SLC28A1: variants seen among roughly 807,000 people sequenced by gnomAD.
SLC28A1 encodes sodium/nucleoside cotransporter 1.
SLC28A1 carries 64 observed loss-of-function variants against 74.8 expected under a neutral mutation model. The ratio of observed to expected loss-of-function variants is 0.86; its 90% CI spans 0.70 to 1.05. The LOEUF (loss-of-function observed/expected upper bound fraction) is 1.05. Among genes scored for constraint, SLC28A1 ranks in the 50% least tolerant of loss-of-function variants. The pLI is 0.00. For missense variants in SLC28A1, 828 were observed against 822.8 expected, an observed-to-expected ratio of 1.01 and a Z score of -0.08; for synonymous variants, 359 against 335.0, an observed-to-expected ratio of 1.07 and a Z score of -0.78.
the SLC28A1 span, among the ~76,000 whole-genome samples, chr15:84,973,391 C>T: frequency 9.8e-5 from 15 of 152,286 alleles, no homozygotes; most frequent in East Asian, 3.9e-4. Flanking sequence ...TGTCTCTATC[C>T]GGGGCTCAAC....
chr15:84,945,029 A>G (rs926617958), intron 18 of SLC28A1, 96 bp from the exon 19 acceptor site: 111 of 1,219,160 alleles, frequency 9.1e-5, no homozygotes, highest in Admixed American at 5.9e-4. Flanking sequence ...AGGGTGGACC[A>G]GAGACTTGAA....
chr15:84,893,288 C>T (rs1451527286), intron 5 of SLC28A1, among the ~76,000 whole-genome samples: 2 of 152,188 alleles, frequency 1.3e-5, no homozygotes, highest in East Asian at 3.9e-4. Flanking sequence ...AAGCTCACCT[C>T]CTGGCGACCA....
At chr15:84,944,964 G>A (rs1321718316) in intron 18 of SLC28A1, 97 bp downstream of exon 18, 8 of 1,092,904 alleles carry the variant, frequency 7.3e-6, no homozygotes, top group Non-Finnish European at 1.1e-5. Flanking sequence ...GGTGAGGGTA[G>A]AAATGTTACG....
intron 13 of SLC28A1, 71 bp from the exon 14 acceptor site, chr15:84,934,955 G>A (rs1971705945): frequency 7.7e-7 from 1 of 1,295,122 alleles, no homozygotes; most frequent in Admixed American, 1.7e-5. Context: ...TCCTATTTGA[G>A]CCTATAGGAT....
At chr15:84,921,722 T>C (rs1032145231) in intron 11 of SLC28A1, among the ~76,000 whole-genome samples, 1 of 152,256 alleles carries the variant, frequency 6.6e-6, no homozygotes, top group African/African-American at 2.4e-5. Flanking sequence ...TCTTTTTTGC[T>C]ACGGTGCATG....
intron 12 of SLC28A1, chr15:84,926,434 C>G (rs1243338756): frequency 1.5e-5 from 6 of 389,548 alleles, no homozygotes; most frequent in Non-Finnish European, 2.5e-5. Flanking sequence ...AACTCCTGGG[C>G]TCAAGCAATC....
chr15:84,906,751 A>G (rs1967314830), intron 8 of SLC28A1, among the ~76,000 whole-genome samples: 1 of 151,562 alleles, frequency 6.6e-6, no homozygotes, highest in Non-Finnish European at 1.5e-5. Context: ...GTGCCCAGCC[A>G]ATTCTGTTTT....
the SLC28A1 span, among the ~76,000 whole-genome samples, chr15:84,968,650 G>GTA: frequency 5.9e-5 from 9 of 152,248 alleles, no homozygotes; most frequent in Non-Finnish European, 1.0e-4. Flanking sequence ...CTACCAGGAG[G>GTA]TAGGCAGCAT....
Position 84,895,083 on chromosome 15 carries a change from A to C in SLC28A1, c.421A>C (p.Lys141Gln). Reference sequence around the variant, plus strand: ...GGGGCCAAAGCTGAGGAGGTTTCTCAAGCCTCAGGGCCATCCCCGCCTGCT... The same window carrying C: ...GGGGCCAAAGCTGAGGAGGTTTCTCCAGCCTCAGGGCCATCCCCGCCTGCT... ...LLGPKLRRFLKPQGHPRLLLW... is the reference protein window; with the variant it reads ...LLGPKLRRFLQPQGHPRLLLW... Residue 141 changes from lysine to glutamine, a missense_variant, in exon 6 of 19, where the codon AAG (lysine) becomes CAG (glutamine). Transcript: ENST00000394573. 1 of 1,580,098 alleles carries C rather than the reference A, an allele frequency of 6.3e-7. No homozygotes were observed. The highest frequency in any genetic ancestry group is 8.7e-7 in the Non-Finnish European group (1 of 1,155,890).
At chr15:84,964,705 G>T in the SLC28A1 span, among the ~76,000 whole-genome samples, 10 of 152,156 alleles carry the variant, frequency 6.6e-5, no homozygotes, top group African/African-American at 2.4e-4. Context: ...GATGGCTGCT[G>T]AAGTTCTGGA....
intron 5 of SLC28A1, among the ~76,000 whole-genome samples, chr15:84,892,676 G>A (rs999752108): frequency 1.3e-5 from 2 of 152,148 alleles, no homozygotes; most frequent in Admixed American, 6.5e-5. Flanking sequence ...CTTTCCTGGG[G>A]AGGCTGTTCA....
At chr15:84,887,164 C>G (rs898837979) in intron 2 of SLC28A1, among the ~76,000 whole-genome samples, 1 of 152,170 alleles carries the variant, frequency 6.6e-6, no homozygotes, top group African/African-American at 2.4e-5. Context: ...CTCCATCTTT[C>G]AGAGATGGAA....
the SLC28A1 span, among the ~76,000 whole-genome samples, chr15:84,963,634 C>CT: frequency 6.6e-6 from 1 of 152,050 alleles, no homozygotes; most frequent in South Asian, 2.1e-4. Flanking sequence ...GCTGCCCCCC[C>CT]GAGCCTGTCT....
intron 11 of SLC28A1, among the ~76,000 whole-genome samples, chr15:84,922,609 A>G (rs1969970957): frequency 6.6e-6 from 1 of 151,936 alleles, no homozygotes; most frequent in Non-Finnish European, 1.5e-5. Flanking sequence ...TCCTTCACTC[A>G]TACACCCGAG....
chr15:84,959,140 G>A, the SLC28A1 span, among the ~76,000 whole-genome samples: 6 of 139,850 alleles, frequency 4.3e-5, no homozygotes, highest in Non-Finnish European at 6.1e-5. Context: ...GTCTCACTCT[G>A]TCACCCAGGC....
chr15:84,904,176 T>G lies in SLC28A1; in HGVS notation c.541T>G (p.Ser181Ala). 1 of 1,614,236 alleles carries G rather than the reference T, an allele frequency of 6.2e-7. No homozygotes were observed. Among genetic ancestry groups the G allele is most frequent in the Non-Finnish European group, 8.5e-7 (1 of 1,180,044 alleles). Residue 181 changes from serine to alanine, a missense_variant, in exon 7 of 19, where the codon TCC becomes GCC. Transcript: ENST00000394573. The part of the protein sequence containing the change: ...DTSQRPEQLV[S>A]FAGICVFVAL... ...CTCCCAGCGGCCTGAGCAACTGGTG[T>G]CCTTCGCAGGAATCTGCGTGTTCGT... is the stretch of plus-strand genomic sequence containing the variant.
intron 12 of SLC28A1, among the ~76,000 whole-genome samples, chr15:84,931,574 C>A (rs1199961570): frequency 7.9e-6 from 1 of 126,484 alleles, no homozygotes; most frequent in Admixed American, 1.0e-4. Flanking sequence ...ATGGTGTGAA[C>A]CTGGGAGGTA....
chr15:84,907,047 G>C (rs1967362321), intron 8 of SLC28A1, among the ~76,000 whole-genome samples: 1 of 152,182 alleles, frequency 6.6e-6, no homozygotes, highest in Non-Finnish European at 1.5e-5. Context: ...ATAAATAGCA[G>C]ATTGGTTGTT....
the SLC28A1 span, among the ~76,000 whole-genome samples, chr15:84,971,659 C>A: frequency 1.4e-5 from 2 of 142,228 alleles, no homozygotes; most frequent in Non-Finnish European, 3.1e-5. Context: ...TTGTTCTTCT[C>A]TTTTCTTTTT....
Sources: allele counts gnomAD v4.1 joint callset (sites outside exome capture counted in the v4.1 genomes callset), GRCh38; gene constraint gnomAD v4.1.1; transcripts MANE v1.5; gene names NCBI Gene and HGNC (gene_info 2026-07-23, HGNC 2026-07-21).